COL22A1: variants seen among roughly 807,000 people sequenced by gnomAD.
The protein encoded by COL22A1 is collagen alpha-1(XXII) chain.
COL22A1 carries 221 observed loss-of-function variants against 248.9 expected under a neutral mutation model. The observed-to-expected ratio is 0.89, with a 90% CI of 0.80 to 0.99. The LOEUF is 0.99. Ranked by LOEUF, COL22A1 falls within the 50% of genes least tolerant of loss-of-function variation. The pLI, the probability that COL22A1 is intolerant of heterozygous loss-of-function variation, is 0.00. For synonymous variants in COL22A1, 891 were observed against 793.4 expected, an observed-to-expected ratio of 1.12 and a Z score of -2.07; for missense variants, 2,240 against 2,179.0, an observed-to-expected ratio of 1.03 and a Z score of -0.56.
intron 50 of COL22A1, 132 bp downstream of exon 50, chr8:138,630,563 G>A (rs1295195348): frequency 3.9e-6 from 3 of 766,120 alleles, no homozygotes; most frequent in Non-Finnish European, 7.0e-6. Context: ...TGCAAGACTT[G>A]TAGTGAACAG....
Position 138,714,591 on chromosome 8 carries a change from G to T in COL22A1, c.2517+1091C>A, listed in dbSNP as rs367992379. Among the ~76,000 whole-genome samples the T allele has an allele frequency of 3.7e-4, 56 of 152,272 alleles. No homozygotes were observed. In the East Asian group the frequency reaches 9.3e-3, roughly 25 times the overall value. On this transcript the variant is annotated intron_variant, in intron 30 of 64. Transcript: ENST00000303045. ...CTCTTGCTCTTCCTAGTCCTGGAGG[G>T]TATGGCCACATCCCATCGGCTTCCC...
chr8:138,598,725 T>C lies in COL22A1; in HGVS notation c.4359A>G (p.Gly1453=), dbSNP rs1449175544. 1.2e-6 allele frequency: 2 copies of C among 1,613,232 alleles called. No homozygotes were observed. Among genetic ancestry groups the C allele is most frequent in the Non-Finnish European group, 1.7e-6 (2 of 1,179,770 alleles). The part of the protein sequence containing the change: ...PGPPGQPGFP[G]LRGESPSMET... ...GCCATATTAGCATCCTTACCCTCAG[T>C]CCTGGAAATCCCGGCTGGCCTGGAG... The change falls in exon 61 of 65, where the codon GGA becomes GGG. Residue 1453 remains glycine (G), a synonymous_variant. Transcript: ENST00000303045.
intron 36 of COL22A1, 81 bp from the exon 37 acceptor site, chr8:138,689,051 T>C: frequency 8.9e-7 from 1 of 1,122,098 alleles, no homozygotes. Context: ...CAGGGAAGAA[T>C]CATCAGGTCC....
chr8:138,764,034 A>G (rs1056834524), intron 16 of COL22A1, among the ~76,000 whole-genome samples: 1 of 151,992 alleles, frequency 6.6e-6, no homozygotes, highest in African/African-American at 2.4e-5. Context: ...CTCTCCTTCT[A>G]TTTCTTTATA....
At chr8:138,689,168 G>GA (rs398010054) in intron 36 of COL22A1, among the ~76,000 whole-genome samples, 198 bp from the exon 37 acceptor site, 1 of 151,184 alleles carries the variant, frequency 6.6e-6, no homozygotes, top group Non-Finnish European at 1.5e-5. Context: ...CGGGGGGGGG[G>GA]CTGGCCTTGT....
chr8:138,605,486 C>T (rs188300338), intron 58 of COL22A1, among the ~76,000 whole-genome samples: 3 of 152,168 alleles, frequency 2.0e-5, no homozygotes, highest in African/African-American at 4.8e-5. Context: ...AATAAGCCCA[C>T]GTAAAAATCA....
At chr8:138,845,572 C>T (rs1052810352) in intron 3 of COL22A1, among the ~76,000 whole-genome samples, 1 of 151,912 alleles carries the variant, frequency 6.6e-6, no homozygotes, top group Non-Finnish European at 1.5e-5. Context: ...AAAATGAACT[C>T]TTTCAGTCCC....
chr8:138,693,589 T>TGGGCGGGGCCTCC, intron 35 of COL22A1, 57 bp downstream of exon 35: 1 of 1,523,858 alleles, frequency 6.6e-7, no homozygotes, highest in Non-Finnish European at 8.9e-7. Context: ...GAGCAGACAC[T>TGGGCGGGGCCTCC]GGGCGGGGCC....
chr8:138,724,556 C>G, intron 25 of COL22A1, 59 bp downstream of exon 25: 1 of 1,523,898 alleles, frequency 6.6e-7, no homozygotes, highest in Non-Finnish European at 9.1e-7. Flanking sequence ...GCTCAGTGCT[C>G]CCCCCAGAGC....
At chr8:138,857,598 C>T (rs1356992885) in intron 3 of COL22A1, among the ~76,000 whole-genome samples, 1 of 152,202 alleles carries the variant, frequency 6.6e-6, no homozygotes, top group East Asian at 1.9e-4. Context: ...CCACCCCATC[C>T]CGAAAATCTT....
intron 39 of COL22A1, among the ~76,000 whole-genome samples, chr8:138,681,738 C>T (rs1587848480): frequency 6.6e-6 from 1 of 152,152 alleles, no homozygotes. Context: ...TTAATCTGCC[C>T]CTCTCCATAT....
intron 1 of COL22A1, among the ~76,000 whole-genome samples, chr8:138,890,170 T>C (rs991544496): frequency 6.6e-6 from 1 of 152,020 alleles, no homozygotes; most frequent in African/African-American, 2.4e-5. Context: ...GAAAAAGCAT[T>C]TGACAAAACC....
chr8:138,612,509 C>T (rs1396878106), intron 56 of COL22A1, among the ~76,000 whole-genome samples: 8 of 152,144 alleles, frequency 5.3e-5, no homozygotes. Flanking sequence ...TAAGTCCTAA[C>T]ATTCAGTTCC....
chr8:138,815,410 A>C (rs2131720638), intron 7 of COL22A1, among the ~76,000 whole-genome samples: 1 of 152,174 alleles, frequency 6.6e-6, no homozygotes, highest in East Asian at 1.9e-4. Context: ...AGCTGTCGAC[A>C]ATCTCTCGCT....
intron 10 of COL22A1, among the ~76,000 whole-genome samples, chr8:138,805,479 G>T (rs1817464085): frequency 9.6e-6 from 1 of 103,758 alleles, no homozygotes; most frequent in South Asian, 3.5e-4. Flanking sequence ...AATGATATGG[G>T]ATGGCATGTG....
intron 3 of COL22A1, among the ~76,000 whole-genome samples, chr8:138,861,998 G>A (rs1341126090): frequency 2.3e-5 from 3 of 131,114 alleles, no homozygotes; most frequent in Non-Finnish European, 4.7e-5. Flanking sequence ...AGACCAGCCT[G>A]GCCAACATGG....
chr8:138,903,687 A>G (rs1446544804), intron 1 of COL22A1, among the ~76,000 whole-genome samples: 1 of 152,144 alleles, frequency 6.6e-6, no homozygotes, highest in Non-Finnish European at 1.5e-5. Context: ...TGCTTTCAGT[A>G]AAAACCTCTC....
intron 9 of COL22A1, among the ~76,000 whole-genome samples, chr8:138,808,628 C>A (rs1474159285): frequency 6.6e-6 from 1 of 152,124 alleles, no homozygotes; most frequent in Non-Finnish European, 1.5e-5. Context: ...AAGCTGAAAA[C>A]AAATGCAACA....
chr8:138,713,986 G>A lies in COL22A1; in HGVS notation c.2517+1696C>T, dbSNP rs1433727221. Among the ~76,000 whole-genome samples, 4 of 152,054 alleles carry A rather than the reference G, an allele frequency of 2.6e-5. 1 individual carries two copies. Among genetic ancestry groups the A allele is most frequent in the African/African-American group, 4.8e-5 (2 of 41,384 alleles). ...AAAATAGTAAGGGACTTTCCTTCCC[G>A]GACCACGTGTGCCAAGTTAGGGTTC... is the stretch of plus-strand genomic sequence containing the variant. On this transcript the variant is annotated intron_variant, in intron 30 of 64. Transcript: ENST00000303045.
Sources: allele counts gnomAD v4.1 joint callset (sites outside exome capture counted in the v4.1 genomes callset), GRCh38; gene constraint gnomAD v4.1.1; transcripts MANE v1.5; gene names NCBI Gene and HGNC (gene_info 2026-07-23, HGNC 2026-07-21).